Variants in ASXL2 observed in about 807,000 individuals in gnomAD.
ASXL2 encodes putative Polycomb group protein ASXL2.
A neutral mutation model predicts 122.0 loss-of-function variants in ASXL2; 23 were observed. The ratio of observed to expected loss-of-function variants is 0.19; its 90% CI spans 0.14 to 0.27. The LOEUF is 0.27. Ranked by LOEUF, ASXL2 falls within the 10% of genes least tolerant of loss-of-function variation. The pLI, the probability that ASXL2 is intolerant of heterozygous loss-of-function variation, is 1.00. For synonymous variants in ASXL2, 650 were observed against 637.0 expected, an observed-to-expected ratio of 1.02 and a Z score of -0.31; for missense variants, 1,518 against 1,713.8, an observed-to-expected ratio of 0.89 and a Z score of 2.02.
At chr2:25,813,082 C>T (rs1234742139) in intron 3 of ASXL2, among the ~76,000 whole-genome samples, 1 of 152,108 alleles carries the variant, frequency 6.6e-6, no homozygotes, top group Non-Finnish European at 1.5e-5. Flanking sequence ...AAAACATTTT[C>T]AATAAGCTAC....
At position 25,772,461 on chromosome 2, in the gene ASXL2, G is replaced by A. The variant is rs138750310; in HGVS notation, c.404-921C>T. Among the ~76,000 whole-genome samples, 11 of 152,168 alleles carry A rather than the reference G, an allele frequency of 7.2e-5. No individual in the cohort carries two copies. The East Asian group carries it at 1.5e-3, about 21-fold the overall frequency. On this transcript the variant is annotated intron_variant, in intron 5 of 12. Transcript: ENST00000435504. ...TAAAAGTACACACAAGACCGTGTGC[G>A]GTGGCTCATGCCTCCAATCCCAGCA...
At chr2:25,876,077 G>C (rs1031334246) in intron 1 of ASXL2, among the ~76,000 whole-genome samples, 2 of 151,514 alleles carry the variant, frequency 1.3e-5, no homozygotes, top group African/African-American at 4.9e-5. Context: ...TCTAGATTTT[G>C]GCTACTAGAA....
intron 3 of ASXL2, among the ~76,000 whole-genome samples, chr2:25,832,848 C>A (rs1325784161): frequency 6.6e-6 from 1 of 152,022 alleles, no homozygotes; most frequent in South Asian, 2.1e-4. Context: ...GAATACTACT[C>A]GGCAATAAAA....
chr2:25,833,920 G>A (rs2089481444), intron 3 of ASXL2, among the ~76,000 whole-genome samples: 1 of 152,154 alleles, frequency 6.6e-6, no homozygotes, highest in South Asian at 2.1e-4. Flanking sequence ...CCTGATCTCT[G>A]AAGCTGCCTT....
At chr2:25,837,562 C>T (rs552079875) in intron 2 of ASXL2, among the ~76,000 whole-genome samples, 2 of 152,058 alleles carry the variant, frequency 1.3e-5, no homozygotes, top group Non-Finnish European at 2.9e-5. Flanking sequence ...TTTAAAAAAG[C>T]GTCTTCAGGC....
intron 1 of ASXL2, among the ~76,000 whole-genome samples, chr2:25,869,966 G>A (rs2089950254): frequency 6.6e-6 from 1 of 151,950 alleles, no homozygotes; most frequent in Non-Finnish European, 1.5e-5. Context: ...GCCTGGCGTG[G>A]TGATGCATGT....
chr2:25,810,490 A>G, intron 3 of ASXL2: 1 of 742,610 alleles, frequency 1.3e-6, no homozygotes, highest in Non-Finnish European at 2.4e-6. Flanking sequence ...AACCAGCTGG[A>G]TCCTATGGTT....
intron 3 of ASXL2, among the ~76,000 whole-genome samples, chr2:25,830,282 CAAA>C (rs2089434547): frequency 6.6e-6 from 1 of 152,158 alleles, no homozygotes. Flanking sequence ...CTATCTGAAT[CAAA>C]GAAGACAATT....
At position 25,878,227 on chromosome 2, in the gene ASXL2, G is replaced by C; in HGVS notation, c.-5C>G. On this transcript the variant is annotated 5_prime_UTR_variant, in exon 1 of 13. Transcript: ENST00000435504. ...CCTACGTCCCTTTTCCCTCATGTCG[G>C]GTCTTGAACTGACTGGGAGGCTCCC... 6.2e-7 allele frequency: 1 copy of C among 1,613,796 alleles called. No homozygotes were observed. Among genetic ancestry groups the C allele is most frequent in the Non-Finnish European group, 8.5e-7 (1 of 1,179,836 alleles).
chr2:25,808,011 ACACACACACACT>A (rs1269701337), intron 3 of ASXL2, among the ~76,000 whole-genome samples: 3 of 151,494 alleles, frequency 2.0e-5, no homozygotes, highest in Non-Finnish European at 4.4e-5. Context: ...ACACACACAC[ACACACACACACT>A]CTCCACCCCA....
intron 3 of ASXL2, among the ~76,000 whole-genome samples, chr2:25,815,778 C>T (rs2149179029): frequency 6.6e-6 from 1 of 152,130 alleles, no homozygotes; most frequent in Admixed American, 6.5e-5. Context: ...GTTTTTTTCA[C>T]TTGCATTAAA....
At position 25,741,282 on chromosome 2, in the gene ASXL2, AT is replaced by A. The variant is rs1289129188; in HGVS notation, c.*746del. On this transcript the variant is annotated 3_prime_UTR_variant, in exon 13 of 13. Coordinates refer to ENST00000435504, the MANE Select transcript of ASXL2 (RefSeq NM_018263.6). ...GAGAGGCACTCCCTTCACGGACTAC[AT>A]TCACTGTCTCAGGGCAGGGGGTGGG... 2 of 224,524 alleles carry A rather than the reference AT, an allele frequency of 8.9e-6. No homozygotes were observed. Among genetic ancestry groups the A allele is most frequent in the Non-Finnish European group, 1.8e-5 (2 of 112,730 alleles). 13.9% of individuals were successfully genotyped at this position (224,524 alleles called of 1,614,324 possible). A position where few individuals can be genotyped will look rare whatever the true frequency, so the allele number is the denominator to read the frequency against.
intron 5 of ASXL2, among the ~76,000 whole-genome samples, chr2:25,781,824 A>G (rs2088643874): frequency 6.6e-6 from 1 of 151,888 alleles, no homozygotes; most frequent in Non-Finnish European, 1.5e-5. Context: ...GCGTGCCACC[A>G]TGCCCAGCTA....
chr2:25,823,082 C>T, intron 3 of ASXL2: 1 of 411,888 alleles, frequency 2.4e-6, no homozygotes, highest in South Asian at 1.9e-5. Flanking sequence ...CATTTTTCAG[C>T]CTGCTTGTTT....
Position 25,792,719 on chromosome 2 carries a change from C to T in ASXL2, c.403+6666G>A, listed in dbSNP as rs187233200. Among the ~76,000 whole-genome samples, 1,272 of 151,740 alleles carry T rather than the reference C, an allele frequency of 8.4e-3. 9 individuals carry two copies. The highest frequency in any genetic ancestry group is 0.03 in the African/African-American group (1,238 of 41,418). ...CTCCTGGGTTCAAGTGATTCTCTTG[C>T]CTCAGCCTCCCGAGTAGCTGGGATT... On this transcript the variant is annotated intron_variant, in intron 5 of 12. Coordinates refer to ENST00000435504, the MANE Select transcript of ASXL2 (RefSeq NM_018263.6).
intron 1 of ASXL2, among the ~76,000 whole-genome samples, chr2:25,853,729 G>A (rs181793317): frequency 7.2e-5 from 11 of 151,824 alleles, no homozygotes; most frequent in African/African-American, 1.9e-4. Context: ...CTGCAGCCTC[G>A]AACTCCTGGG....
chr2:25,843,806 C>T (rs1445554571), intron 2 of ASXL2, among the ~76,000 whole-genome samples: 1 of 118,430 alleles, frequency 8.4e-6, no homozygotes, highest in African/African-American at 3.6e-5. Flanking sequence ...TAATGAGACT[C>T]CATCTCTTAA....
chr2:25,807,456 T>C lies in ASXL2; in HGVS notation c.144-1119A>G, dbSNP rs370600070. Among the ~76,000 whole-genome samples the C allele has an allele frequency of 1.2e-3, 186 of 152,328 alleles. 5 individuals are homozygous for C. In the South Asian group the frequency reaches 0.027, roughly 22 times the overall value. On this transcript the variant is annotated intron_variant, in intron 3 of 12. Coordinates refer to ENST00000435504, the MANE Select transcript of ASXL2 (RefSeq NM_018263.6). ...TAATAACAAAGGAAAGAAAAGCCTT[T>C]TGCAGAAGAAACTATTGAGCATTTC...
At chr2:25,772,912 T>C (rs1431879153) in intron 5 of ASXL2, among the ~76,000 whole-genome samples, 1 of 152,004 alleles carries the variant, frequency 6.6e-6, no homozygotes, top group African/African-American at 2.4e-5. Flanking sequence ...CATCAAACAA[T>C]TAAGATGATG....
Sources: gnomAD v4.1 joint callset for allele counts (sites outside exome capture counted in the v4.1 genomes callset) on GRCh38, gnomAD v4.1.1 for gene constraint, MANE v1.5 for transcripts, NCBI Gene and HGNC (gene_info 2026-07-23, HGNC 2026-07-21) for gene names.